Variants in TNPO3 observed in about 807,000 individuals in gnomAD.
TNPO3 encodes the protein transportin-3.
TNPO3 carries 65 observed loss-of-function variants against 122.8 expected under a neutral mutation model. The observed-to-expected ratio is 0.53, with a 90% CI of 0.43 to 0.65. TNPO3 has a LOEUF of 0.65. Ranked by LOEUF, TNPO3 falls within the 30% of genes least tolerant of loss-of-function variation. The pLI, the probability that TNPO3 is intolerant of heterozygous loss-of-function variation, is 0.00. For missense variants in TNPO3, 850 were observed against 1,136.7 expected (o/e 0.75, Z 3.63); for synonymous variants, 372 against 411.2 (o/e 0.90, Z 1.15).
intron 1 of TNPO3, among the ~76,000 whole-genome samples, chr7:129,027,763 C>A (rs1445398814): frequency 2.0e-5 from 3 of 151,902 alleles, no homozygotes; most frequent in Non-Finnish European, 4.4e-5. Flanking sequence ...AAGTGGAAGA[C>A]AAGAGGCTAA....
Position 128,997,424 on chromosome 7 carries a change from C to A in TNPO3, c.1123G>T (p.Ala375Ser). 1 of 1,614,152 alleles carries A rather than the reference C, an allele frequency of 6.2e-7. No homozygotes were observed. Among genetic ancestry groups the A allele is most frequent in the Non-Finnish European group, 8.5e-7 (1 of 1,180,000 alleles). The stretch of plus-strand genomic sequence containing the variant: ...TCCAGCTGGCAGTGTCGAGCCAAGG[C>A]GTGAAGCAGCCTCTGAATGTAAGCT... Reference protein sequence around the residue: ...FKAYIQRLLHALARHCQLEPD... With the variant: ...FKAYIQRLLHSLARHCQLEPD... The change falls in exon 8 of 23, where the codon GCC becomes TCC. Residue 375 changes from alanine to serine, a missense_variant. Coordinates refer to ENST00000265388, the MANE Select transcript of TNPO3 (RefSeq NM_012470.4).
At chr7:129,046,236 T>C (rs1808041596) in intron 1 of TNPO3, among the ~76,000 whole-genome samples, 1 of 152,070 alleles carries the variant, frequency 6.6e-6, no homozygotes, top group Middle Eastern at 3.4e-3. Flanking sequence ...TTTTAACTTT[T>C]ACTTAATTTT....
chr7:128,958,230 G>A (rs1042042368), intron 21 of TNPO3, among the ~76,000 whole-genome samples: 1 of 131,188 alleles, frequency 7.6e-6, no homozygotes, highest in East Asian at 2.4e-4. Flanking sequence ...TGCAACTTCC[G>A]CCTCCCAGGT....
chr7:129,015,159 A>G, intron 3 of TNPO3, 24 bp from the exon 4 acceptor site: 2 of 1,598,948 alleles, frequency 1.3e-6, no homozygotes, highest in Non-Finnish European at 1.7e-6. Context: ...AAGTGGAGAT[A>G]TGTTATTTAT....
chr7:129,007,722 T>A (rs1282368462), intron 4 of TNPO3, among the ~76,000 whole-genome samples: 2 of 152,258 alleles, frequency 1.3e-5, no homozygotes, highest in Non-Finnish European at 2.9e-5. Flanking sequence ...GAGTTGCAGC[T>A]AACTTGCAGA....
chr7:129,015,775 G>A (rs1803777632), intron 3 of TNPO3, among the ~76,000 whole-genome samples: 1 of 152,306 alleles, frequency 6.6e-6, no homozygotes, highest in Admixed American at 6.5e-5. Flanking sequence ...GCAGGTTCCA[G>A]TGAACCATGA....
intron 5 of TNPO3, among the ~76,000 whole-genome samples, chr7:129,001,737 A>G (rs1210710486): frequency 6.6e-6 from 1 of 152,206 alleles, no homozygotes; most frequent in Non-Finnish European, 1.5e-5. Context: ...CAATCTTCCC[A>G]ATCTTATTTC....
intron 5 of TNPO3, among the ~76,000 whole-genome samples, chr7:129,001,774 G>A (rs1801977660): frequency 1.3e-5 from 2 of 152,130 alleles, no homozygotes; most frequent in Admixed American, 1.3e-4. Context: ...AAGCAAATCA[G>A]CCTTTCTGTC....
chr7:128,997,657 T>C, intron 7 of TNPO3, 122 bp from the exon 8 acceptor site: 1 of 850,346 alleles, frequency 1.2e-6, no homozygotes, highest in South Asian at 1.9e-5. Flanking sequence ...GTGGAGCCAG[T>C]TAAGAAGTCA....
chr7:128,984,592 G>C (rs1360564563), intron 12 of TNPO3, among the ~76,000 whole-genome samples: 1 of 152,148 alleles, frequency 6.6e-6, no homozygotes, highest in East Asian at 1.9e-4. Flanking sequence ...CAGAGATTCT[G>C]ATTTAGTGGG....
At chr7:128,995,624 A>G (rs949982555) in intron 8 of TNPO3, among the ~76,000 whole-genome samples, 4 of 152,370 alleles carry the variant, frequency 2.6e-5, no homozygotes, top group Non-Finnish European at 5.9e-5. Context: ...TCAAGCACAG[A>G]GCCATTTAAA....
At position 128,955,352 on chromosome 7, in the gene TNPO3, T is replaced by C. The variant is rs960649870; in HGVS notation, c.*65A>G. ...ATTGTGGGACACAGTCTGGTTTTTG[T>C]TTTCTTCCTGTCTTCTAATTAAAAA... On this transcript the variant is annotated 3_prime_UTR_variant, in exon 23 of 23. Coordinates refer to ENST00000265388, the MANE Select transcript of TNPO3 (RefSeq NM_012470.4). The C allele has an allele frequency of 1.5e-5, 7 of 456,388 alleles. No homozygotes were observed. Among genetic ancestry groups the C allele is most frequent in the Middle Eastern group, 3.3e-4 (1 of 3,038 alleles). The allele number at this position is 456,388 out of a possible 1,614,324, so 28.3% of individuals were successfully genotyped here.
intron 1 of TNPO3, among the ~76,000 whole-genome samples, chr7:129,039,496 G>A (rs1807105355): frequency 6.6e-6 from 1 of 152,078 alleles, no homozygotes; most frequent in South Asian, 2.1e-4. Flanking sequence ...AGAGGCAGAG[G>A]TTGCAGTGAG....
At chr7:128,957,141 T>C (rs1014853030) in intron 22 of TNPO3, 83 bp downstream of exon 22, 4 of 1,153,936 alleles carry the variant, frequency 3.5e-6, no homozygotes, top group Non-Finnish European at 5.2e-6. Context: ...GGTCCCATGA[T>C]AGGCATTAAA....
At chr7:128,993,612 A>G (rs547090093) in intron 9 of TNPO3, among the ~76,000 whole-genome samples, 195 bp downstream of exon 9, 1 of 152,362 alleles carries the variant, frequency 6.6e-6, no homozygotes, top group East Asian at 1.9e-4. Flanking sequence ...AATCATCCAT[A>G]AACTGCAACT....
intron 4 of TNPO3, among the ~76,000 whole-genome samples, chr7:129,011,817 A>G (rs1803232627): frequency 6.6e-6 from 1 of 152,184 alleles, no homozygotes. Context: ...ATATCCATAA[A>G]TATGTTCATA....
chr7:129,000,963 G>A, intron 6 of TNPO3, 96 bp downstream of exon 6: 1 of 1,394,838 alleles, frequency 7.2e-7, no homozygotes, highest in Non-Finnish European at 9.9e-7. Flanking sequence ...CAGAATCACT[G>A]AGAATCACAA....
intron 14 of TNPO3, among the ~76,000 whole-genome samples, chr7:128,981,025 T>C (rs1263110871): frequency 6.6e-6 from 1 of 152,220 alleles, no homozygotes; most frequent in Non-Finnish European, 1.5e-5. Context: ...AAAGCTACTC[T>C]TTAGTTTTAA....
At chr7:129,034,930 A>G (rs1287956125) in intron 1 of TNPO3, among the ~76,000 whole-genome samples, 1 of 151,120 alleles carries the variant, frequency 6.6e-6, no homozygotes, top group African/African-American at 2.4e-5. Flanking sequence ...GCCAGAAGCA[A>G]AAGAAAATCA....
Sources: gnomAD v4.1 joint callset for allele counts (sites outside exome capture counted in the v4.1 genomes callset) on GRCh38, gnomAD v4.1.1 for gene constraint, MANE v1.5 for transcripts, NCBI Gene and HGNC (gene_info 2026-07-23, HGNC 2026-07-21) for gene names.